The following SNRNP40 variants were observed in gnomAD, a reference collection of about 807,000 sequenced individuals.
The protein encoded by SNRNP40 is U5 small nuclear ribonucleoprotein 40 kDa protein.
A neutral mutation model predicts 45.8 loss-of-function variants in SNRNP40; 21 were observed. The observed-to-expected ratio is 0.46, with a 90% CI of 0.32 to 0.66. The LOEUF (loss-of-function observed/expected upper bound fraction) is 0.66, where lower values mean the gene tolerates loss of function less well. Among genes scored for constraint, SNRNP40 ranks in the 30% least tolerant of loss-of-function variants. The probability of loss-of-function intolerance (pLI) is 0.03; values close to 1 mark genes in which losing one functional copy is unlikely to be tolerated. For synonymous variants in SNRNP40, 142 were observed against 163.8 expected (o/e 0.87, Z 1.01); for missense variants, 344 against 439.1 (o/e 0.78, Z 1.94).
chr1:31,293,242 G>A lies in SNRNP40; in HGVS notation c.248C>T (p.Ser83Phe). 5.6e-6 allele frequency: 9 copies of A among 1,614,090 alleles called. No individual in the cohort carries two copies. Among genetic ancestry groups the A allele is most frequent in the Non-Finnish European group, 7.6e-6 (9 of 1,179,986 alleles). The change falls in exon 2 of 10, where the codon TCT becomes TTT. Residue 83 changes from serine (S) to phenylalanine (F), a missense_variant. Around this residue, in one of 2 missense-constraint regions of SNRNP40, gnomAD observed 254 missense variants for 380.2 expected, o/e 0.67. Transcript: ENST00000263694. The stretch of plus-strand genomic sequence containing the variant: ...ACATATCAGTCGGTCAAATCCTGCA[G>A]ATGCTAAGGTGGATCCGTTGGGGTG... ...KFHPNGSTLA[S>F]AGFDRLILLW...
intron 1 of SNRNP40, 89 bp downstream of exon 1, chr1:31,296,522 T>A: frequency 6.8e-7 from 1 of 1,469,744 alleles, no homozygotes; most frequent in Non-Finnish European, 9.1e-7. Context: ...GCCCCCGCAA[T>A]GCGGGAAAGG....
chr1:31,272,629 T>C (rs1478634076), intron 5 of SNRNP40, among the ~76,000 whole-genome samples: 1 of 152,218 alleles, frequency 6.6e-6, no homozygotes, highest in East Asian at 1.9e-4. Flanking sequence ...GTAAGGATTA[T>C]AAGAATGCTT....
At chr1:31,288,656 C>T (rs1356782218) in intron 4 of SNRNP40, among the ~76,000 whole-genome samples, 1 of 124,012 alleles carries the variant, frequency 8.1e-6, no homozygotes, top group Non-Finnish European at 1.6e-5. Flanking sequence ...TGTCTATAAT[C>T]TCAGAACAGC....
chr1:31,292,445 C>T (rs1039138927), intron 2 of SNRNP40, among the ~76,000 whole-genome samples: 38 of 152,154 alleles, frequency 2.5e-4, no homozygotes, highest in African/African-American at 9.2e-4. Context: ...CATATATGTT[C>T]TGCAAAGATC....
At chr1:31,273,832 C>T (rs188873605) in intron 5 of SNRNP40, among the ~76,000 whole-genome samples, 1 of 152,000 alleles carries the variant, frequency 6.6e-6, no homozygotes, top group Non-Finnish European at 1.5e-5. Context: ...TAATGACAGG[C>T]CTATGCAAGG....
intron 4 of SNRNP40, among the ~76,000 whole-genome samples, chr1:31,283,371 G>A (rs1220315191): frequency 6.6e-6 from 1 of 152,214 alleles, no homozygotes; most frequent in African/African-American, 2.4e-5. Context: ...GGGAGGCCGA[G>A]GTGGATGGAT....
At chr1:31,286,468 CCT>C (rs894480848) in intron 4 of SNRNP40, among the ~76,000 whole-genome samples, 1 of 152,156 alleles carries the variant, frequency 6.6e-6, no homozygotes, top group African/African-American at 2.4e-5. Context: ...TTGGGTCATT[CCT>C]CTGTGTGAAC....
chr1:31,268,433 C>A (rs1645914671), intron 7 of SNRNP40, among the ~76,000 whole-genome samples: 1 of 152,022 alleles, frequency 6.6e-6, no homozygotes, highest in Non-Finnish European at 1.5e-5. Context: ...CAGGCACATG[C>A]CACCACACCC....
intron 5 of SNRNP40, 76 bp downstream of exon 5, chr1:31,281,298 A>G (rs1407135017): frequency 2.3e-6 from 3 of 1,296,172 alleles, no homozygotes; most frequent in East Asian, 4.7e-5. Flanking sequence ...AGCTACCACA[A>G]TCTCAGAAGT....
At chr1:31,275,431 G>C (rs1645968031) in intron 5 of SNRNP40, among the ~76,000 whole-genome samples, 1 of 4,580 alleles carries the variant, frequency 2.2e-4, no homozygotes, top group African/African-American at 2.8e-4. Flanking sequence ...GTCTCACTCT[G>C]TCATCTGGAG....
intron 4 of SNRNP40, among the ~76,000 whole-genome samples, chr1:31,282,661 T>TA: frequency 6.6e-6 from 1 of 151,966 alleles, no homozygotes; most frequent in Admixed American, 6.6e-5. Context: ...TGTGTCTATC[T>TA]ATCTATCTAA....
chr1:31,261,429 A>T, intron 9 of SNRNP40, 100 bp downstream of exon 9: 1 of 733,878 alleles, frequency 1.4e-6, no homozygotes, highest in Non-Finnish European at 2.3e-6. Flanking sequence ...GTTTGCATGG[A>T]AATTCGTATA....
chr1:31,269,117 A>G, intron 7 of SNRNP40, 41 bp downstream of exon 7: 1 of 1,518,030 alleles, frequency 6.6e-7, no homozygotes, highest in Non-Finnish European at 8.8e-7. Flanking sequence ...GTTTCTCTGA[A>G]GTAAATGAAC....
At chr1:31,281,237 A>G in intron 5 of SNRNP40, 137 bp downstream of exon 5, 1 of 643,988 alleles carries the variant, frequency 1.6e-6, no homozygotes, top group Non-Finnish European at 2.5e-6. Context: ...CAGGAGAAAA[A>G]GAAAATAAGT....
Position 31,273,588 on chromosome 1 carries a change from C to T in SNRNP40, c.655-2089G>A, listed in dbSNP as rs1479477609. Among the ~76,000 whole-genome samples the T allele has an allele frequency of 4.6e-5, 7 of 150,866 alleles. No individual in the cohort carries two copies. The East Asian group carries it at 7.8e-4, about 17-fold the overall frequency. On this transcript the variant is annotated intron_variant, in intron 5 of 9. Coordinates refer to ENST00000263694, the MANE Select transcript of SNRNP40 (RefSeq NM_004814.3). ...CCGGGAGGCGGAGGCTGCAGTGAGCCGAGATCACACAACTGCATTCCAGCC... is the reference window on the plus strand; with the variant it reads ...CCGGGAGGCGGAGGCTGCAGTGAGCTGAGATCACACAACTGCATTCCAGCC...
chr1:31,263,638 GA>G, intron 8 of SNRNP40: 1 of 460,772 alleles, frequency 2.2e-6, no homozygotes, highest in Non-Finnish European at 4.3e-6. Context: ...AGGCTCTCCT[GA>G]AGACTGTGTC....
chr1:31,268,062 T>C, intron 7 of SNRNP40, 130 bp from the exon 8 acceptor site: 2 of 596,408 alleles, frequency 3.4e-6, no homozygotes, highest in South Asian at 2.0e-5. Context: ...TGGTCTGTAA[T>C]TATCTTATAT....
At chr1:31,281,568 T>G (rs1475353416) in intron 4 of SNRNP40, 72 bp from the exon 5 acceptor site, 3 of 1,393,236 alleles carry the variant, frequency 2.2e-6, no homozygotes, top group African/African-American at 2.8e-5. Context: ...AAATATCCCT[T>G]AAGTACGAGG....
intron 7 of SNRNP40, 62 bp downstream of exon 7, chr1:31,269,096 C>G: frequency 7.0e-7 from 1 of 1,433,862 alleles, no homozygotes; most frequent in Non-Finnish European, 9.4e-7. Flanking sequence ...ATCCTTAGTA[C>G]CACCTTAAAT....
Sources: gnomAD v4.1 joint callset for allele counts (sites outside exome capture counted in the v4.1 genomes callset) on GRCh38, gnomAD v4.1.1 for gene constraint, gnomAD v4.1.1 regional missense constraint, MANE v1.5 for transcripts, NCBI Gene and HGNC (gene_info 2026-07-23, HGNC 2026-07-21) for gene names.